Variants in FAM83A observed in about 807,000 individuals in gnomAD.
FAM83A encodes the protein scaffolding CK1 anchoring protein A.
In FAM83A, 21 loss-of-function variants were observed where a neutral mutation model predicts 24.4. The ratio of observed to expected loss-of-function variants is 0.86; its 90% CI spans 0.61 to 1.24. The LOEUF is 1.24. FAM83A is among the 50% of genes most tolerant of loss of function. The pLI is 0.00. For synonymous variants in FAM83A, 270 were observed against 252.4 expected (o/e 1.07, Z -0.66); for missense variants, 617 against 579.8 (o/e 1.06, Z -0.66).
chr8:123,208,801 T>G, exon 4 of FAM83A: 2 of 956,378 alleles, frequency 2.1e-6, no homozygotes, highest in Non-Finnish European at 2.5e-6. Flanking sequence ...GATTACCTGG[T>G]CTCGAGACCA....
chr8:123,186,036 A>C (rs1823780340), intron 1 of FAM83A, among the ~76,000 whole-genome samples: 1 of 152,026 alleles, frequency 6.6e-6, no homozygotes, highest in Admixed American at 6.6e-5. Flanking sequence ...TGATCCACCC[A>C]CCTCGGCCTC....
chr8:123,183,698 T>C (rs1646546806), intron 1 of FAM83A, among the ~76,000 whole-genome samples: 1 of 151,008 alleles, frequency 6.6e-6, no homozygotes, highest in Non-Finnish European at 1.5e-5. Flanking sequence ...TTTTTTTCTT[T>C]TTTTTTGAGA....
At chr8:123,188,771 C>A (rs1823885816) in intron 1 of FAM83A, among the ~76,000 whole-genome samples, 2 of 152,266 alleles carry the variant, frequency 1.3e-5, no homozygotes, top group African/African-American at 4.8e-5. Context: ...GCATAAGCCA[C>A]CGTGCCTGGC....
chr8:123,200,962 A>ATATATATATATATATATAT (rs1376845493), intron 3 of FAM83A, among the ~76,000 whole-genome samples: 21 of 141,200 alleles, frequency 1.5e-4, no homozygotes, highest in African/African-American at 5.0e-4. Flanking sequence ...ATAAACAAAA[A>ATATATATATATATATATAT]AAAAAAATAT....
intron 2 of FAM83A, 112 bp downstream of exon 2, chr8:123,192,082 G>T (rs529782519): frequency 2.3e-6 from 3 of 1,282,330 alleles, no homozygotes; most frequent in Admixed American, 2.3e-5. Flanking sequence ...CACAATAAAG[G>T]TTCATTTCTT....
At chr8:123,186,462 TGA>T (rs987584830) in intron 1 of FAM83A, among the ~76,000 whole-genome samples, 3 of 152,290 alleles carry the variant, frequency 2.0e-5, no homozygotes, top group Admixed American at 1.3e-4. Flanking sequence ...AGTCCCAGCA[TGA>T]GAGATGTTTC....
At chr8:123,185,915 C>T (rs1312299570) in intron 1 of FAM83A, among the ~76,000 whole-genome samples, 2 of 152,076 alleles carry the variant, frequency 1.3e-5, no homozygotes, top group Admixed American at 1.3e-4. Context: ...CTCAGCCTCC[C>T]GAGTAGCTGG....
chr8:123,181,858 T>G (rs1179785552), upstream of FAM83A: 6 of 349,164 alleles, frequency 1.7e-5, no homozygotes, highest in Non-Finnish European at 3.5e-5. Flanking sequence ...CCACTTGTAC[T>G]GAAATCCTAG....
At position 123,209,623 on chromosome 8, in the gene FAM83A, C is replaced by A; in HGVS notation, c.*1935C>A. 1 of 1,526,218 alleles carries A rather than the reference C, an allele frequency of 6.6e-7. No homozygotes were observed. Among genetic ancestry groups the A allele is most frequent in the Middle Eastern group, 1.7e-4 (1 of 5,926 alleles). 94.5% of individuals were successfully genotyped at this position (1,526,218 alleles called of 1,614,324 possible). A position where few individuals can be genotyped will look rare whatever the true frequency, so the allele number is the denominator to read the frequency against. On this transcript the variant is annotated 3_prime_UTR_variant, in exon 4 of 4. Coordinates refer to ENST00000690554, the Ensembl canonical transcript of FAM83A. This position sits in a 1 kb window ranked among gnomAD's most constrained non-coding sequence, Gnocchi z 4.7. ...AAAGTTTAAGGAAGGCAAAGCTTGC[C>A]AGGTCACAGAAGCTCCCAAGCCCAG...
At chr8:123,193,012 G>A (rs1824033288) in intron 2 of FAM83A, 2 of 152,392 alleles carry the variant, frequency 1.3e-5, no homozygotes, top group East Asian at 3.9e-4. Context: ...CCCTTCCCAG[G>A]ACCTGCCAAG....
At chr8:123,200,903 C>T (rs926293199) in intron 3 of FAM83A, among the ~76,000 whole-genome samples, 2 of 150,036 alleles carry the variant, frequency 1.3e-5, no homozygotes, top group Non-Finnish European at 3.0e-5. Flanking sequence ...TGCAGTGAGC[C>T]GAGATCCACT....
At chr8:123,179,274 C>T (rs1823538450), upstream of FAM83A, 1 of 152,124 alleles carries the variant, frequency 6.6e-6, no homozygotes. Flanking sequence ...GTATTCTGCC[C>T]TCATGTATTC....
chr8:123,193,551 T>C (rs753421248), intron 2 of FAM83A, among the ~76,000 whole-genome samples: 3 of 152,220 alleles, frequency 2.0e-5, no homozygotes, highest in Non-Finnish European at 4.4e-5. Flanking sequence ...CAACCAGAGA[T>C]AACACATTTC....
chr8:123,204,784 C>T (rs963008001), intron 3 of FAM83A, among the ~76,000 whole-genome samples: 22 of 148,230 alleles, frequency 1.5e-4, no homozygotes, highest in African/African-American at 2.0e-4. Flanking sequence ...AGAAAGGAAA[C>T]GCCTCTCTGC....
exon 4 of FAM83A, chr8:123,208,975 A>C: frequency 1.0e-6 from 1 of 985,554 alleles, no homozygotes; most frequent in Non-Finnish European, 1.2e-6. Flanking sequence ...GAAAAAAAAA[A>C]AAAAAAGAGA....
In FAM83A at chr8:123,183,341, C is replaced by G. The variant is rs760897184; in HGVS notation, c.480+5C>G. The G allele has an allele frequency of 5.0e-6, 8 of 1,604,684 alleles. No homozygotes were observed. In the African/African-American group the frequency reaches 5.4e-5, roughly 11 times the overall value. ...TGCATCACCCGGACTAGCCAGGTACCGATGGCAAAGCCCCTGTCTCCGTGG... is the reference window on the plus strand; with the variant it reads ...TGCATCACCCGGACTAGCCAGGTACGGATGGCAAAGCCCCTGTCTCCGTGG... On this transcript the variant is annotated splice_donor_5th_base_variant and intron_variant, in intron 1 of 3. Coordinates refer to ENST00000690554, the Ensembl canonical transcript of FAM83A.
chr8:123,182,546 T>C, upstream of FAM83A: 1 of 567,396 alleles, frequency 1.8e-6, no homozygotes, highest in Non-Finnish European at 3.3e-6. Context: ...CCCCTGCGGC[T>C]GGGAGGAGAG....
intron 1 of FAM83A, among the ~76,000 whole-genome samples, chr8:123,188,204 C>T (rs118037565): frequency 0.093 from 14,124 of 151,796 alleles, 829 homozygotes; most frequent in Middle Eastern, 0.17. Flanking sequence ...GGTTCATGGC[C>T]GCATCGCTCC....
exon 4 of FAM83A, chr8:123,207,588 G>T (rs765707208): frequency 5.1e-6 from 8 of 1,574,622 alleles, no homozygotes; most frequent in Non-Finnish European, 6.9e-6. Flanking sequence ...AGCAACCTGG[G>T]GGCCTACAGG....
Sources: allele counts gnomAD v4.1 joint callset (sites outside exome capture counted in the v4.1 genomes callset), GRCh38; gene constraint gnomAD v4.1.1; non-coding constraint Gnocchi (gnomAD v3.1); transcripts MANE v1.5; gene names NCBI Gene and HGNC (gene_info 2026-07-23, HGNC 2026-07-21).